SLC47A2: variants seen among roughly 807,000 people sequenced by gnomAD.
The protein encoded by SLC47A2 is solute carrier family 47 member 2, also known as multidrug and toxin extrusion protein 2.
In SLC47A2, 52 loss-of-function variants were observed where a neutral mutation model predicts 67.7. The ratio of observed to expected loss-of-function variants is 0.77; its 90% confidence interval spans 0.61 to 0.97. SLC47A2 has a LOEUF of 0.97. Among genes scored for constraint, SLC47A2 ranks in the 50% least tolerant of loss-of-function variants. The pLI is 0.00. For missense variants in SLC47A2, 676 were observed against 712.3 expected (o/e 0.95, Z 0.58); for synonymous variants, 278 against 292.9 (o/e 0.95, Z 0.52).
In SLC47A2 at chr17:19,681,450, C is replaced by T. The variant is rs765445655; in HGVS notation, c.1309G>A (p.Gly437Ser). The change falls in exon 15 of 17, where the codon GGC becomes AGC. Residue 437 changes from glycine (G) to serine (S), a missense_variant. Physicochemically the swap from Gly to Ser is moderately conservative, Grantham distance 56. Transcript: ENST00000433844. ...VRMRIMGLWLGMLACVFLATA... is the reference protein window; with the variant it reads ...VRMRIMGLWLSMLACVFLATA... ...GCCAGGAAGACACAGGCCAGCATGC[C>T]CAGCCAGAGGCCTGGAGGAGACAAG... The T allele has an allele frequency of 8.1e-6, 13 of 1,613,794 alleles. No individual in the cohort carries two copies. The highest frequency in any genetic ancestry group is 2.7e-5 in the African/African-American group (2 of 74,896).
chr17:19,681,727 T>TC, intron 13 of SLC47A2, 57 bp from the exon 14 acceptor site: 1 of 1,568,344 alleles, frequency 6.4e-7, no homozygotes, highest in Non-Finnish European at 8.7e-7. Context: ...AGAGCAGGTG[T>TC]CATGCAGCAG....
At position 19,700,955 on chromosome 17, in the gene SLC47A2, G is replaced by C. The variant is rs143184113; in HGVS notation, c.1164+1650C>G. On this transcript the variant is annotated intron_variant, in intron 13 of 16. Coordinates refer to ENST00000433844, the MANE Select transcript of SLC47A2 (RefSeq NM_001099646.3). ...AGCCGAGGCGGGTGGGTCACCTGAGGTCAGGAGTTTGAGACTAGCCTGGCC... is the reference window on the plus strand; with the variant it reads ...AGCCGAGGCGGGTGGGTCACCTGAGCTCAGGAGTTTGAGACTAGCCTGGCC... Among the ~76,000 whole-genome samples, 519 of 151,512 alleles carry C rather than the reference G, an allele frequency of 3.4e-3. 3 individuals carry two copies. The highest frequency in any genetic ancestry group is 0.012 in the African/African-American group (502 of 41,260).
chr17:19,683,304 C>G (rs111310328), intron 13 of SLC47A2, among the ~76,000 whole-genome samples: 1 of 152,114 alleles, frequency 6.6e-6, no homozygotes. Context: ...CTACAATGCC[C>G]AGGGGACCGC....
intron 5 of SLC47A2, among the ~76,000 whole-genome samples, chr17:19,712,247 C>T (rs1473250254): frequency 6.6e-6 from 1 of 152,038 alleles, no homozygotes; most frequent in Non-Finnish European, 1.5e-5. Flanking sequence ...ATTAGCCAGG[C>T]GTGGTGGTGC....
In SLC47A2 at chr17:19,708,419, G is replaced by T; in HGVS notation, c.532-20C>A. On this transcript the variant is annotated intron_variant, in intron 6 of 16. Coordinates refer to ENST00000433844, the MANE Select transcript of SLC47A2 (RefSeq NM_001099646.3). ...GATCTTCTGAAATAAATGAAAACTG[G>T]CCCTGCTAAGGTGTGAGTGAGATGG... is the stretch of plus-strand genomic sequence containing the variant. 1.2e-6 allele frequency: 2 copies of T among 1,614,184 alleles called. No individual in the cohort carries two copies. Among genetic ancestry groups the T allele is most frequent in the South Asian group, 2.2e-5 (2 of 91,082 alleles).
chr17:19,712,589 G>T, intron 5 of SLC47A2, 114 bp downstream of exon 5: 1 of 1,107,372 alleles, frequency 9.0e-7, no homozygotes, highest in Non-Finnish European at 1.3e-6. Context: ...CACCCTCATG[G>T]CCCAGCAGGA....
At chr17:19,702,908 T>C (rs1210819838) in intron 12 of SLC47A2, among the ~76,000 whole-genome samples, 184 bp downstream of exon 12, 1 of 152,174 alleles carries the variant, frequency 6.6e-6, no homozygotes, top group African/African-American at 2.4e-5. Flanking sequence ...CTCTTGTCTA[T>C]GGACAGGCAC....
chr17:19,682,742 A>G (rs2085344066), intron 13 of SLC47A2, among the ~76,000 whole-genome samples: 1 of 152,172 alleles, frequency 6.6e-6, no homozygotes, highest in Admixed American at 6.5e-5. Flanking sequence ...GGGGGCCATT[A>G]TTTTGCCTAC....
chr17:19,717,483 C>G (rs2086291616), upstream of SLC47A2: 1 of 152,538 alleles, frequency 6.6e-6, no homozygotes, highest in Non-Finnish European at 1.5e-5. Flanking sequence ...CTGGATCAAG[C>G]TTTTGGGTGT....
chr17:19,680,060 T>C (rs1352351235), intron 15 of SLC47A2, 21 bp from the exon 16 acceptor site: 7 of 1,611,368 alleles, frequency 4.3e-6, no homozygotes, highest in East Asian at 2.2e-5. Context: ...AAGAACTCAA[T>C]TGGGTCAACC....
intron 13 of SLC47A2, among the ~76,000 whole-genome samples, chr17:19,695,102 G>A (rs570560329): frequency 6.6e-5 from 10 of 151,980 alleles, no homozygotes; most frequent in Non-Finnish European, 1.5e-4. Context: ...GAAAACTTTT[G>A]CAACTCAAAA....
At chr17:19,690,127 G>A (rs546571388) in intron 13 of SLC47A2, among the ~76,000 whole-genome samples, 1 of 152,252 alleles carries the variant, frequency 6.6e-6, no homozygotes, top group South Asian at 2.1e-4. Flanking sequence ...TGCATCTACA[G>A]TGAACTCATT....
intron 13 of SLC47A2, among the ~76,000 whole-genome samples, chr17:19,697,862 T>TG (rs933797794): frequency 6.6e-6 from 1 of 152,028 alleles, no homozygotes; most frequent in Non-Finnish European, 1.5e-5. Context: ...CCCAAAGTGA[T>TG]GGTTTTATAG....
At chr17:19,692,308 A>C (rs1454425736) in intron 13 of SLC47A2, 1 of 441,262 alleles carries the variant, frequency 2.3e-6, no homozygotes, top group East Asian at 7.1e-5. Context: ...AAATAAAACC[A>C]AAAAACAAAG....
upstream of SLC47A2, chr17:19,718,912 C>T (rs1166666099): frequency 6.6e-6 from 1 of 152,342 alleles, no homozygotes; most frequent in Non-Finnish European, 1.5e-5. Flanking sequence ...CACCTGCAGA[C>T]TCAGCTCCGA....
chr17:19,687,576 G>T (rs995773596), intron 13 of SLC47A2, among the ~76,000 whole-genome samples: 2 of 150,606 alleles, frequency 1.3e-5, no homozygotes, highest in Non-Finnish European at 3.0e-5. Context: ...TTGTTTTTTT[G>T]AAAAAATAAA....
At chr17:19,681,492 G>A (rs1212201229) in intron 14 of SLC47A2, 31 bp from the exon 15 acceptor site, 2 of 1,613,984 alleles carry the variant, frequency 1.2e-6, no homozygotes, top group African/African-American at 1.3e-5. Context: ...TGGGAACAAT[G>A]TCCGACGACC....
chr17:19,705,326 G>A, intron 10 of SLC47A2, 110 bp downstream of exon 10: 1 of 1,200,938 alleles, frequency 8.3e-7, no homozygotes, highest in African/African-American at 1.5e-5. Flanking sequence ...GGCCCGGGGA[G>A]GGTCCTTCGG....
Position 19,716,442 on chromosome 17 carries a change from A to T in SLC47A2, c.114T>A (p.Ser38=). ...GTEMWTLFAL[S]GPLFLFQVLT... is the part of the protein sequence containing the mutation. ...AGCTCCTCCTCCTTACCAGGGGTCC[A>T]GAAAGGGCAAAGAGAGTCCACATCT... Residue 38 remains serine (S), a synonymous_variant, in exon 1 of 17, where the codon TCT becomes TCA. Transcript: ENST00000433844. 6.2e-7 allele frequency: 1 copy of T among 1,610,278 alleles called. No homozygotes were observed. The highest frequency in any genetic ancestry group is 8.5e-7 in the Non-Finnish European group (1 of 1,178,360).
Sources: allele counts gnomAD v4.1 joint callset (sites outside exome capture counted in the v4.1 genomes callset), GRCh38; gene constraint gnomAD v4.1.1; transcripts MANE v1.5; gene names NCBI Gene and HGNC (gene_info 2026-07-23, HGNC 2026-07-21).